The following GUCY1A2 variants were observed in gnomAD, a reference collection of about 807,000 sequenced individuals.
GUCY1A2 encodes the protein guanylate cyclase 1 soluble subunit alpha 2, also known as guanylate cyclase soluble subunit alpha-2.
GUCY1A2 carries 27 observed loss-of-function variants against 63.5 expected under a neutral mutation model. The ratio of observed to expected loss-of-function variants is 0.43; its 90% CI spans 0.31 to 0.59. The LOEUF (loss-of-function observed/expected upper bound fraction) is 0.59, where lower values mean the gene tolerates loss of function less well. Among genes scored for constraint, GUCY1A2 ranks in the 20% least tolerant of loss-of-function variants. GUCY1A2 has a pLI of 0.11. For missense variants in GUCY1A2, 768 were observed against 913.3 expected (o/e 0.84, Z 2.05); for synonymous variants, 364 against 343.5 (o/e 1.06, Z -0.66).
chr11:106,813,264 G>A (rs1355529442), intron 4 of GUCY1A2, among the ~76,000 whole-genome samples: 1 of 151,888 alleles, frequency 6.6e-6, no homozygotes, highest in Non-Finnish European at 1.5e-5. Context: ...CATAACAAAG[G>A]GGAGTATTTT....
chr11:106,794,336 G>C (rs185448078), intron 5 of GUCY1A2, among the ~76,000 whole-genome samples: 23 of 152,192 alleles, frequency 1.5e-4, no homozygotes, highest in Admixed American at 1.2e-3. Context: ...GTTTGCCAAG[G>C]GGTGAGGGTG....
chr11:107,007,871 T>TGGGCGACAGAGCAA (rs1555060977), intron 1 of GUCY1A2, among the ~76,000 whole-genome samples: 8 of 150,442 alleles, frequency 5.3e-5, no homozygotes, highest in East Asian at 4.3e-4. Context: ...CATGATAGAT[T>TGGGCGACAGAGCAA]TACTGTCCCT....
At chr11:106,977,444 G>C (rs1247112820) in intron 3 of GUCY1A2, among the ~76,000 whole-genome samples, 2 of 152,134 alleles carry the variant, frequency 1.3e-5, no homozygotes, top group Non-Finnish European at 2.9e-5. Context: ...CCTGCATGCT[G>C]TTATAGACAA....
chr11:106,883,948 C>T (rs1047207585), intron 4 of GUCY1A2, among the ~76,000 whole-genome samples: 1 of 151,976 alleles, frequency 6.6e-6, no homozygotes. Context: ...GGACAGAAAA[C>T]GAAACACCAC....
chr11:107,000,068 C>A (rs575394207), intron 1 of GUCY1A2, among the ~76,000 whole-genome samples: 12 of 152,308 alleles, frequency 7.9e-5, no homozygotes, highest in Admixed American at 7.2e-4. Flanking sequence ...CTGCAATAAG[C>A]TGCTGGAGAA....
chr11:106,823,935 G>T, intron 4 of GUCY1A2: 2 of 430,068 alleles, frequency 4.7e-6, no homozygotes, highest in Non-Finnish European at 4.0e-6. Flanking sequence ...TTGCATTCTT[G>T]TAAATTTTAT....
chr11:106,928,091 T>C (rs1246079209), intron 4 of GUCY1A2, among the ~76,000 whole-genome samples: 1 of 152,214 alleles, frequency 6.6e-6, no homozygotes, highest in Non-Finnish European at 1.5e-5. Flanking sequence ...ACCTTATTCA[T>C]AGTAACATCT....
chr11:106,851,214 G>T (rs1373773331), intron 4 of GUCY1A2, among the ~76,000 whole-genome samples: 1 of 151,220 alleles, frequency 6.6e-6, no homozygotes, highest in Non-Finnish European at 1.5e-5. Flanking sequence ...GTTTTTTGCT[G>T]TTGATTTGTC....
At chr11:106,897,835 A>T (rs1465485591) in intron 4 of GUCY1A2, among the ~76,000 whole-genome samples, 1 of 152,130 alleles carries the variant, frequency 6.6e-6, no homozygotes, top group Non-Finnish European at 1.5e-5. Flanking sequence ...GGCATGATGT[A>T]TTTAAAAAAA....
intron 6 of GUCY1A2, among the ~76,000 whole-genome samples, chr11:106,763,229 T>G (rs1172176677): frequency 1.3e-5 from 2 of 152,042 alleles, no homozygotes; most frequent in East Asian, 3.8e-4. Flanking sequence ...CGTACATTAT[T>G]CATAACAATG....
At chr11:106,937,063 A>G (rs1048124256) in intron 4 of GUCY1A2, among the ~76,000 whole-genome samples, 7 of 152,120 alleles carry the variant, frequency 4.6e-5, no homozygotes, top group African/African-American at 1.7e-4. Flanking sequence ...TCTGGGTAAG[A>G]CTGTATGTGA....
intron 3 of GUCY1A2, among the ~76,000 whole-genome samples, chr11:106,963,095 G>A (rs890973475): frequency 6.6e-6 from 1 of 152,144 alleles, no homozygotes; most frequent in East Asian, 1.9e-4. Flanking sequence ...GATACAGAAT[G>A]TACTGCTACT....
At chr11:106,736,497 T>C (rs1418887952) in intron 6 of GUCY1A2, among the ~76,000 whole-genome samples, 2 of 152,250 alleles carry the variant, frequency 1.3e-5, no homozygotes, top group East Asian at 3.9e-4. Context: ...TATGTGTCTA[T>C]TTTTATGCCA....
At chr11:106,902,505 G>T (rs1021301626) in intron 4 of GUCY1A2, among the ~76,000 whole-genome samples, 1 of 152,136 alleles carries the variant, frequency 6.6e-6, no homozygotes, top group African/African-American at 2.4e-5. Flanking sequence ...TCTTCCAATA[G>T]AAGGATGTTT....
At chr11:106,720,627 C>T (rs1171012636) in intron 6 of GUCY1A2, among the ~76,000 whole-genome samples, 1 of 151,910 alleles carries the variant, frequency 6.6e-6, no homozygotes, top group African/African-American at 2.4e-5. Context: ...ATCAAGGGAA[C>T]AGAACAAGGG....
intron 5 of GUCY1A2, among the ~76,000 whole-genome samples, chr11:106,783,242 G>A (rs968784040): frequency 3.3e-5 from 5 of 152,194 alleles, no homozygotes; most frequent in African/African-American, 4.8e-5. Flanking sequence ...ACAAAGTGAT[G>A]GGCATGTTCA....
At chr11:106,818,902 A>T (rs537687718) in intron 4 of GUCY1A2, among the ~76,000 whole-genome samples, 1 of 152,272 alleles carries the variant, frequency 6.6e-6, no homozygotes, top group East Asian at 1.9e-4. Context: ...CTCTAATTCT[A>T]TGAAGGCTGA....
At chr11:106,993,585 T>C (rs1861498272) in intron 1 of GUCY1A2, among the ~76,000 whole-genome samples, 1 of 152,142 alleles carries the variant, frequency 6.6e-6, no homozygotes, top group Admixed American at 6.5e-5. Flanking sequence ...TCAGGACCTC[T>C]ATATTACAAA....
intron 4 of GUCY1A2, among the ~76,000 whole-genome samples, chr11:106,828,978 A>C (rs1336038593): frequency 6.6e-6 from 1 of 152,192 alleles, no homozygotes; most frequent in African/African-American, 2.4e-5. Flanking sequence ...GGGCCCTTAC[A>C]TTTTCAGTCG....
Sources: gnomAD v4.1 joint callset for allele counts (sites outside exome capture counted in the v4.1 genomes callset) on GRCh38, gnomAD v4.1.1 for gene constraint, MANE v1.5 for transcripts, NCBI Gene and HGNC (gene_info 2026-07-23, HGNC 2026-07-21) for gene names.